Variants in CDH13 observed in about 807,000 individuals in gnomAD.
CDH13 encodes the protein cadherin-13.
A neutral mutation model predicts 63.8 loss-of-function variants in CDH13; 24 were observed. The observed-to-expected ratio is 0.38, with a 90% CI of 0.27 to 0.53. The LOEUF is 0.53. Among genes scored for constraint, CDH13 ranks in the 20% least tolerant of loss-of-function variants. CDH13 has a pLI of 0.85. For missense variants in CDH13, 1,049 were observed against 903.1 expected, an observed-to-expected ratio of 1.16 and a Z score of -2.07; for synonymous variants, 503 against 355.3, an observed-to-expected ratio of 1.42 and a Z score of -4.67.
chr16:83,071,565 T>G (rs575908443), intron 3 of CDH13, among the ~76,000 whole-genome samples: 1 of 152,314 alleles, frequency 6.6e-6, no homozygotes, highest in Non-Finnish European at 1.5e-5. Context: ...GAAGGGAGGC[T>G]TGTTCACTTC....
intron 4 of CDH13, among the ~76,000 whole-genome samples, chr16:83,205,546 A>G (rs1473785305): frequency 1.3e-5 from 2 of 151,956 alleles, no homozygotes; most frequent in African/African-American, 4.8e-5. Context: ...TTTGAATGCA[A>G]GAAAAGAAGT....
rs376723551 is a variant in CDH13, at chr16:83,545,316, A to T, written c.961-57138A>T. On this transcript the variant is annotated intron_variant, in intron 7 of 13. Transcript: ENST00000567109. ...GCCGATGTTAATGAAGAAGGAAAAA[A>T]AATAGTGGATGTGCTAAATTAGATA... 5.9e-5 allele frequency among the ~76,000 whole-genome samples: 9 copies of T among 152,350 alleles called. No homozygotes were observed. The East Asian group carries it at 1.2e-3, about 20-fold the overall frequency.
chr16:83,315,923 T>A (rs1278630704), intron 5 of CDH13, among the ~76,000 whole-genome samples: 1 of 152,188 alleles, frequency 6.6e-6, no homozygotes, highest in African/African-American at 2.4e-5. Context: ...TTGTATTAGT[T>A]GATTTTCACA....
chr16:83,376,376 G>A (rs543135906), intron 6 of CDH13, among the ~76,000 whole-genome samples: 8 of 152,260 alleles, frequency 5.3e-5, no homozygotes, highest in African/African-American at 1.7e-4. Flanking sequence ...CAACTTCAAG[G>A]ACTAAGAGTG....
rs137871432 is a variant in CDH13 at position 82,652,399 on chromosome 16, G to C, written c.45+25262G>C. Among the ~76,000 whole-genome samples the C allele has an allele frequency of 5.7e-3, 875 of 152,274 alleles. 5 individuals carry two copies. Among genetic ancestry groups the C allele is most frequent in the African/African-American group, 0.019 (803 of 41,546 alleles). On this transcript the variant is annotated intron_variant, in intron 1 of 13. Transcript: ENST00000567109. ...TTGGTTAAATAAGGAACGACCTCTC[G>C]TTATATATCTTCTATCCTGATTGAT...
chr16:83,792,541 A>G (rs1303464359), intron 13 of CDH13, among the ~76,000 whole-genome samples: 2 of 152,202 alleles, frequency 1.3e-5, no homozygotes, highest in East Asian at 3.8e-4. Flanking sequence ...CATTTTGATT[A>G]TTATGCCTGG....
intron 10 of CDH13, among the ~76,000 whole-genome samples, chr16:83,697,984 C>T (rs561535046): frequency 1.3e-5 from 2 of 152,304 alleles, no homozygotes; most frequent in African/African-American, 2.4e-5. Flanking sequence ...TGGTGAGTAA[C>T]AAAGATCAAG....
At chr16:83,458,502 C>T (rs1057059150) in intron 6 of CDH13, among the ~76,000 whole-genome samples, 2 of 152,120 alleles carry the variant, frequency 1.3e-5, no homozygotes, top group Admixed American at 6.5e-5. Context: ...ATTTTACAAA[C>T]CTATGGAGTT....
At chr16:83,537,216 A>G (rs992789813) in intron 7 of CDH13, among the ~76,000 whole-genome samples, 2 of 152,212 alleles carry the variant, frequency 1.3e-5, no homozygotes, top group African/African-American at 2.4e-5. Flanking sequence ...AAGGTACAGA[A>G]TAAGTATTTG....
At chr16:83,793,803 C>T (rs1412545364) in intron 13 of CDH13, among the ~76,000 whole-genome samples, 1 of 129,528 alleles carries the variant, frequency 7.7e-6, no homozygotes, top group African/African-American at 2.9e-5. Context: ...CAAAGTGAGA[C>T]TCTGTCTCTA....
At chr16:83,601,427 GA>G (rs773699017) in intron 7 of CDH13, among the ~76,000 whole-genome samples, 11 of 152,194 alleles carry the variant, frequency 7.2e-5, no homozygotes, top group Non-Finnish European at 1.6e-4. Flanking sequence ...CTTATGTGAA[GA>G]GAGAGAATAG....
chr16:83,656,946 T>G (rs1018854799), intron 8 of CDH13, among the ~76,000 whole-genome samples: 1 of 152,200 alleles, frequency 6.6e-6, no homozygotes, highest in South Asian at 2.1e-4. Flanking sequence ...ATGCCAGCTC[T>G]TGGGCTCCAG....
chr16:82,979,372 T>A (rs1476920704), intron 2 of CDH13, among the ~76,000 whole-genome samples: 1 of 152,160 alleles, frequency 6.6e-6, no homozygotes, highest in African/African-American at 2.4e-5. Flanking sequence ...GGCAGAGTGA[T>A]ATGATTTGGC....
At chr16:83,024,953 G>A (rs1005253986) in intron 2 of CDH13, among the ~76,000 whole-genome samples, 4 of 152,144 alleles carry the variant, frequency 2.6e-5, no homozygotes, top group Admixed American at 6.6e-5. Flanking sequence ...TTTAACCCTA[G>A]CAGTGATGCC....
chr16:83,363,132 A>G (rs16960303), intron 6 of CDH13, among the ~76,000 whole-genome samples: 49,376 of 152,126 alleles, frequency 0.32, 8,348 homozygotes, highest in African/African-American at 0.4. Flanking sequence ...CTTTTAAAGT[A>G]TCAATCAGAG....
intron 6 of CDH13, among the ~76,000 whole-genome samples, chr16:83,399,479 A>C (rs1002369258): frequency 6.6e-6 from 1 of 152,048 alleles, no homozygotes; most frequent in Non-Finnish European, 1.5e-5. Context: ...GCCTTTCTCA[A>C]ATGTGACCAC....
At chr16:83,163,092 T>C (rs2037515490) in intron 4 of CDH13, among the ~76,000 whole-genome samples, 2 of 152,120 alleles carry the variant, frequency 1.3e-5, no homozygotes, top group South Asian at 2.1e-4. Context: ...CTGATGGTTA[T>C]ATAAAAATGA....
chr16:83,597,948 C>T lies in CDH13; in HGVS notation c.961-4506C>T, dbSNP rs74435015. Among the ~76,000 whole-genome samples the T allele has an allele frequency of 1.9e-3, 297 of 152,332 alleles. 4 individuals carry two copies. In the East Asian group the frequency reaches 0.051, roughly 26 times the overall value. ...CATATGTGAATATGACTGTCCTCAACGCTAAACTTTGACCTCTTTGGAGAA... is the reference window on the plus strand; with the variant it reads ...CATATGTGAATATGACTGTCCTCAATGCTAAACTTTGACCTCTTTGGAGAA... On this transcript the variant is annotated intron_variant, in intron 7 of 13. Transcript: ENST00000567109.
At chr16:83,120,158 T>G (rs1164347416) in intron 3 of CDH13, among the ~76,000 whole-genome samples, 2 of 152,146 alleles carry the variant, frequency 1.3e-5, no homozygotes, top group East Asian at 3.9e-4. Context: ...GTACTGTTTT[T>G]CCCGAATCAG....
Sources: allele counts gnomAD v4.1 joint callset (sites outside exome capture counted in the v4.1 genomes callset), GRCh38; gene constraint gnomAD v4.1.1; transcripts MANE v1.5; gene names NCBI Gene and HGNC (gene_info 2026-07-23, HGNC 2026-07-21).